Variants in EDRF1 observed in about 807,000 individuals in gnomAD.
EDRF1 encodes the protein erythroid differentiation regulatory factor 1.
Under a neutral mutation model 148.7 loss-of-function variants are expected in EDRF1, and 69 were observed. The ratio of observed to expected loss-of-function variants is 0.46; its 90% CI spans 0.38 to 0.57. EDRF1 has a LOEUF of 0.57. EDRF1 is among the 20% of genes least tolerant of loss of function. The pLI is 0.00. For missense variants in EDRF1, 1,118 were observed against 1,478.7 expected, an observed-to-expected ratio of 0.76 and a Z score of 4.00; for synonymous variants, 515 against 532.8, an observed-to-expected ratio of 0.97 and a Z score of 0.46.
At chr10:125,755,479 G>A (rs1266236103) in intron 24 of EDRF1, among the ~76,000 whole-genome samples, 1 of 152,200 alleles carries the variant, frequency 6.6e-6, no homozygotes, top group Non-Finnish European at 1.5e-5. Context: ...GGGTTTGTGT[G>A]GTTTGGGTAT....
Position 125,721,262 on chromosome 10 carries a change from C to G in EDRF1, c.167C>G (p.Ser56Cys). The change falls in exon 2 of 25, where the codon TCT becomes TGT. Residue 56 changes from serine to cysteine, a missense_variant. Ser to Cys is a moderately radical substitution (Grantham distance 112). Coordinates refer to ENST00000356792, the MANE Select transcript of EDRF1 (RefSeq NM_001202438.2). Reference sequence around the variant, plus strand: ...AAGAGCCGAGCTGTGGTGAAATACTCTTCTGCCCCTCCTCGAACAGCATTT... The same window carrying G: ...AAGAGCCGAGCTGTGGTGAAATACTGTTCTGCCCCTCCTCGAACAGCATTT... ...EVKSRAVVKY[S>C]SAPPRTAFAR... is the part of the protein sequence containing the mutation. The G allele has an allele frequency of 6.2e-7, 1 of 1,614,222 alleles. No homozygotes were observed. The highest frequency in any genetic ancestry group is 1.7e-4 in the Middle Eastern group (1 of 6,060).
chr10:125,738,178 CTGTT>C, intron 14 of EDRF1, 113 bp from the exon 15 acceptor site: 4 of 1,429,378 alleles, frequency 2.8e-6, no homozygotes, highest in South Asian at 1.2e-5. Context: ...TTTTGAAAGT[CTGTT>C]TGTGAGATGG....
In EDRF1 at chr10:125,749,490, C is replaced by G; in HGVS notation, c.3202C>G (p.Leu1068Val). Reference sequence around the variant, plus strand: ...CAGCAAGGCCGCAAAGCTGTTTCAGCTGCTGAAAGATGCTCCCTGCGAACT... The same window carrying G: ...CAGCAAGGCCGCAAAGCTGTTTCAGGTGCTGAAAGATGCTCCCTGCGAACT... ...HYSKAAKLFQ[L>V]LKDAPCELLR... The change falls in exon 22 of 25, where the codon CTG (leucine) becomes GTG (valine). Residue 1068 changes from leucine (L) to valine (V), a missense_variant. By Grantham distance (32) the Leu-to-Val change is conservative (BLOSUM62 1). Transcript: ENST00000356792. 6.2e-7 allele frequency: 1 copy of G among 1,614,182 alleles called. No homozygotes were observed. The highest frequency in any genetic ancestry group is 8.5e-7 in the Non-Finnish European group (1 of 1,180,034).
chr10:125,748,378 T>G (rs556063390), intron 21 of EDRF1: 18 of 318,752 alleles, frequency 5.6e-5, no homozygotes, highest in African/African-American at 3.7e-4. Context: ...TAGTGAATTT[T>G]GGGGTTATTC....
At chr10:125,742,284 C>T (rs1406494128) in intron 17 of EDRF1, 1 of 1,288,866 alleles carries the variant, frequency 7.8e-7, no homozygotes, top group South Asian at 1.2e-5. Context: ...CTTACCTCAG[C>T]ACAGTGTGTA....
chr10:125,732,970 C>T (rs886069079), intron 9 of EDRF1, among the ~76,000 whole-genome samples: 2 of 152,062 alleles, frequency 1.3e-5, no homozygotes, highest in Non-Finnish European at 2.9e-5. Flanking sequence ...GATTCTCTCT[C>T]CTTGAGTCAC....
chr10:125,721,443 C>A, intron 2 of EDRF1, 31 bp downstream of exon 2: 1 of 1,585,540 alleles, frequency 6.3e-7, no homozygotes, highest in Non-Finnish European at 8.7e-7. Flanking sequence ...TTTTTACCTG[C>A]CCCTCCACCC....
At chr10:125,728,942 G>T (rs1366471770) in intron 6 of EDRF1, 61 bp from the exon 7 acceptor site, 1 of 1,314,034 alleles carries the variant, frequency 7.6e-7, no homozygotes, top group South Asian at 1.4e-5. Context: ...ACTCTCAAAA[G>T]TGGGTCAATT....
Position 125,741,410 on chromosome 10 carries a change from C to T in EDRF1, c.2371+209C>T, listed in dbSNP as rs191035623. On this transcript the variant is annotated intron_variant, in intron 17 of 24. Transcript: ENST00000356792. Reference sequence around the variant, plus strand: ...TTGGCTCACTGAAACCTCCGCCTCCCGGGTTCAAGCAATTCTCCTGCCTCA... The same window carrying T: ...TTGGCTCACTGAAACCTCCGCCTCCTGGGTTCAAGCAATTCTCCTGCCTCA... The T allele has an allele frequency of 2.2e-4, 125 of 574,872 alleles. 2 individuals are homozygous for T. The highest frequency in any genetic ancestry group is 1.8e-3 in the African/African-American group (100 of 54,068). The allele number at this position is 574,872 out of a possible 1,614,324, so 35.6% of individuals were successfully genotyped here.
rs1409310385 is a variant in EDRF1 at position 125,733,736 on chromosome 10, T to C, written c.1378T>C (p.Leu460=). The C allele has an allele frequency of 1.2e-6, 2 of 1,611,610 alleles. No individual in the cohort carries two copies. Among genetic ancestry groups the C allele is most frequent in the South Asian group, 1.1e-5 (1 of 91,014 alleles). ...ATTCACAATGCCGGTAGCCATTCTCTTGTACAAGTGAGTGCTTTAAGAATT... is the reference window on the plus strand; with the variant it reads ...ATTCACAATGCCGGTAGCCATTCTCCTGTACAAGTGAGTGCTTTAAGAATT... The part of the protein sequence containing the change: ...NPFTMPVAIL[L]YKVACNMMMK... The change falls in exon 11 of 25, where the codon TTG becomes CTG. Residue 460 remains leucine (L), a synonymous_variant. Coordinates refer to ENST00000356792, the MANE Select transcript of EDRF1 (RefSeq NM_001202438.2).
At chr10:125,742,105 G>T (rs1265211167) in intron 17 of EDRF1, 1 of 687,414 alleles carries the variant, frequency 1.5e-6, no homozygotes, top group African/African-American at 1.9e-5. Context: ...TGGTGAAGGA[G>T]GTTAATTAAC....
intron 24 of EDRF1, among the ~76,000 whole-genome samples, chr10:125,761,867 ATTG>A (rs1850209085): frequency 6.6e-6 from 1 of 152,222 alleles, no homozygotes; most frequent in Non-Finnish European, 1.5e-5. Context: ...GCCTTTTCTA[ATTG>A]TTAAGTGCTA....
chr10:125,725,189 T>C (rs942185215), intron 4 of EDRF1, 129 bp from the exon 5 acceptor site: 4 of 1,121,728 alleles, frequency 3.6e-6, no homozygotes, highest in Admixed American at 2.2e-5. Context: ...CAGAAAGATA[T>C]GTTTTTAATG....
At chr10:125,742,697 G>A (rs1018477095) in intron 17 of EDRF1, 5 of 984,392 alleles carry the variant, frequency 5.1e-6, no homozygotes, top group Non-Finnish European at 6.0e-6. Flanking sequence ...TTAATATTGG[G>A]ACATTATTTC....
At chr10:125,734,454 T>G (rs894552361) in intron 12 of EDRF1, among the ~76,000 whole-genome samples, 2 of 152,186 alleles carry the variant, frequency 1.3e-5, no homozygotes, top group Non-Finnish European at 2.9e-5. Flanking sequence ...TTAAATATAT[T>G]TAAGTTGATT....
At chr10:125,754,084 G>A (rs574084375) in intron 24 of EDRF1, among the ~76,000 whole-genome samples, 100 of 152,014 alleles carry the variant, frequency 6.6e-4, no homozygotes, top group African/African-American at 2.3e-3. Flanking sequence ...GTATGGTGGC[G>A]GGCGCCTGTT....
Position 125,725,179 on chromosome 10 carries a change from C to T in EDRF1, c.511-139C>T, listed in dbSNP as rs1185211230. 4.7e-6 allele frequency: 5 copies of T among 1,052,916 alleles called. No individual in the cohort carries two copies. In the African/African-American group the frequency reaches 8.1e-5, roughly 17 times the overall value. The allele number at this position is 1,052,916 out of a possible 1,614,324, so 65.2% of individuals were successfully genotyped here. ...AAAAGAAAGGTGGTATGAATTGACC[C>T]AGAAAGATATGTTTTTAATGAGTAT... On this transcript the variant is annotated intron_variant, in intron 4 of 24. Transcript: ENST00000356792.
intron 24 of EDRF1, among the ~76,000 whole-genome samples, chr10:125,759,932 G>A (rs1564757203): frequency 2.0e-5 from 3 of 152,108 alleles, no homozygotes; most frequent in Admixed American, 6.5e-5. Context: ...GGATGGTCTC[G>A]ATCTTCTGAC....
chr10:125,733,826 G>A, intron 11 of EDRF1, 83 bp downstream of exon 11: 1 of 1,247,432 alleles, frequency 8.0e-7, no homozygotes, highest in South Asian at 1.2e-5. Flanking sequence ...CCAAACCAAG[G>A]CTTTTAAATG....
Sources: allele counts gnomAD v4.1 joint callset (sites outside exome capture counted in the v4.1 genomes callset), GRCh38; gene constraint gnomAD v4.1.1; transcripts MANE v1.5; gene names NCBI Gene and HGNC (gene_info 2026-07-23, HGNC 2026-07-21).